The following STXBP5 variants were observed in gnomAD, a reference collection of about 807,000 sequenced individuals.
STXBP5 encodes syntaxin-binding protein 5.
STXBP5 carries 50 observed loss-of-function variants against 152.4 expected under a neutral mutation model. That is an observed-to-expected ratio of 0.33 (90% CI 0.26 to 0.42). The LOEUF is 0.42. Among genes scored for constraint, STXBP5 ranks in the 10% least tolerant of loss-of-function variants. The pLI is 1.00. For synonymous variants in STXBP5, 492 were observed against 494.7 expected (o/e 0.99, Z 0.07); for missense variants, 1,167 against 1,388.6 (o/e 0.84, Z 2.54).
intron 4 of STXBP5, among the ~76,000 whole-genome samples, chr6:147,249,815 G>A (rs907523378): frequency 6.6e-6 from 1 of 152,144 alleles, no homozygotes; most frequent in African/African-American, 2.4e-5. Context: ...AGAGCATTCA[G>A]TCACACAGAG....
intron 4 of STXBP5, among the ~76,000 whole-genome samples, chr6:147,260,285 G>C (rs1273417937): frequency 1.3e-5 from 2 of 152,170 alleles, no homozygotes; most frequent in Admixed American, 6.5e-5. Flanking sequence ...GGGTGATGTA[G>C]ATGTTGAAAT....
intron 23 of STXBP5, among the ~76,000 whole-genome samples, chr6:147,361,511 C>T (rs1785065772): frequency 1.3e-5 from 2 of 151,988 alleles, no homozygotes; most frequent in South Asian, 4.2e-4. Context: ...GTATTGGAGC[C>T]CTGAGAAGAA....
intron 25 of STXBP5, among the ~76,000 whole-genome samples, chr6:147,369,414 G>T (rs1745071398): frequency 6.6e-6 from 1 of 151,962 alleles, no homozygotes; most frequent in Admixed American, 6.6e-5. Flanking sequence ...TTTGGGAAAA[G>T]ATTTATTAGC....
chr6:147,276,342 T>A (rs1780442772), intron 7 of STXBP5, among the ~76,000 whole-genome samples: 1 of 152,142 alleles, frequency 6.6e-6, no homozygotes, highest in Admixed American at 6.5e-5. Flanking sequence ...GTTATTTGTT[T>A]CTGTTGTCCA....
At chr6:147,213,562 TC>T (rs1356906346) in intron 2 of STXBP5, among the ~76,000 whole-genome samples, 1 of 151,828 alleles carries the variant, frequency 6.6e-6, no homozygotes, top group Non-Finnish European at 1.5e-5. Context: ...CTGAGGCTGG[TC>T]CCCTGGGCTC....
At position 147,230,701 on chromosome 6, in the gene STXBP5, G is replaced by A. The variant is rs540503015; in HGVS notation, c.249-4549G>A. 2.6e-5 allele frequency among the ~76,000 whole-genome samples: 4 copies of A among 151,614 alleles called. No homozygotes were observed. The East Asian group carries it at 7.7e-4, about 29-fold the overall frequency. On this transcript the variant is annotated intron_variant, in intron 2 of 27. Coordinates refer to ENST00000321680, the MANE Select transcript of STXBP5 (RefSeq NM_001127715.4). ...TATGTGTGTGTTTGCTTGCATGTAT[G>A]CTATAAGGGTTGGTAATTTATACTG... is the stretch of plus-strand genomic sequence containing the variant.
rs761281235 is a variant in STXBP5 at position 147,260,701 on chromosome 6, C to A, written c.518C>A (p.Ser173Tyr). ...RGNIHIVNVE[S>Y]FTLSGYVIMW... ...AATATACATATTGTCAATGTGGAGT[C>A]CTTCACACTCTCAGGCTACGTCATT... The change falls in exon 5 of 28, where the codon TCC (serine) becomes TAC (tyrosine). Residue 173 changes from serine (S) to tyrosine (Y), a missense_variant. Transcript: ENST00000321680. 1 of 1,613,606 alleles carries A rather than the reference C, an allele frequency of 6.2e-7. No homozygotes were observed.
At chr6:147,276,085 T>G (rs1393405233) in intron 7 of STXBP5, among the ~76,000 whole-genome samples, 1 of 152,202 alleles carries the variant, frequency 6.6e-6, no homozygotes, top group African/African-American at 2.4e-5. Context: ...TTTGTTTACG[T>G]AAATTTCTCT....
intron 25 of STXBP5, among the ~76,000 whole-genome samples, chr6:147,372,257 AAAAG>A (rs1785575269): frequency 6.6e-6 from 1 of 152,030 alleles, no homozygotes; most frequent in African/African-American, 2.4e-5. Flanking sequence ...GGATATGTCT[AAAAG>A]AAAACCTGAA....
At chr6:147,291,850 A>G (rs1315106526) in intron 9 of STXBP5, among the ~76,000 whole-genome samples, 2 of 152,068 alleles carry the variant, frequency 1.3e-5, no homozygotes, top group South Asian at 2.1e-4. Context: ...ATATGGTTTT[A>G]TTTACTATGG....
At chr6:147,337,134 G>T (rs1783865106) in intron 19 of STXBP5, among the ~76,000 whole-genome samples, 1 of 149,802 alleles carries the variant, frequency 6.7e-6, no homozygotes, top group African/African-American at 2.5e-5. Flanking sequence ...GAACACTTTA[G>T]TATTATTGGA....
chr6:147,355,420 G>A (rs58807803), intron 22 of STXBP5, among the ~76,000 whole-genome samples: 2,412 of 152,218 alleles, frequency 0.016, 74 homozygotes, highest in African/African-American at 0.055. Context: ...TGTATCAGGT[G>A]CAGCTGGATG....
intron 25 of STXBP5, among the ~76,000 whole-genome samples, chr6:147,371,357 C>G (rs958454215): frequency 1.3e-5 from 2 of 151,968 alleles, no homozygotes; most frequent in Non-Finnish European, 2.9e-5. Context: ...TTTTCAACTC[C>G]CTTTAAAGAT....
At chr6:147,225,477 A>G (rs1777663954) in intron 2 of STXBP5, among the ~76,000 whole-genome samples, 1 of 152,238 alleles carries the variant, frequency 6.6e-6, no homozygotes, top group Non-Finnish European at 1.5e-5. Flanking sequence ...TTAGAATAAT[A>G]TCATTACTTT....
intron 25 of STXBP5, among the ~76,000 whole-genome samples, chr6:147,369,492 T>G (rs1785445734): frequency 6.6e-6 from 1 of 151,998 alleles, no homozygotes; most frequent in African/African-American, 2.4e-5. Context: ...AAATTTCTAC[T>G]CTTCAGAAGA....
intron 8 of STXBP5, among the ~76,000 whole-genome samples, chr6:147,283,942 A>G (rs930404363): frequency 6.6e-6 from 1 of 152,206 alleles, no homozygotes; most frequent in Non-Finnish European, 1.5e-5. Context: ...ACTGTCCAAT[A>G]GAAAGGTAAC....
intron 9 of STXBP5, among the ~76,000 whole-genome samples, chr6:147,306,922 G>A (rs906444172): frequency 1.3e-5 from 2 of 152,188 alleles, no homozygotes; most frequent in Admixed American, 6.5e-5. Flanking sequence ...CTATCAGTGT[G>A]TTGTCTGCGT....
At chr6:147,234,772 G>A (rs1031718372) in intron 2 of STXBP5, among the ~76,000 whole-genome samples, 7 of 151,594 alleles carry the variant, frequency 4.6e-5, no homozygotes, top group East Asian at 1.9e-4. Context: ...TATTTTTAGC[G>A]TTACTTAAAA....
intron 2 of STXBP5, among the ~76,000 whole-genome samples, chr6:147,216,888 G>A (rs1310721018): frequency 1.3e-5 from 2 of 152,250 alleles, no homozygotes; most frequent in South Asian, 2.1e-4. Context: ...GATATATGAC[G>A]AGTCCTAGAA....
Sources: allele counts gnomAD v4.1 joint callset (sites outside exome capture counted in the v4.1 genomes callset), GRCh38; gene constraint gnomAD v4.1.1; transcripts MANE v1.5; gene names NCBI Gene and HGNC (gene_info 2026-07-23, HGNC 2026-07-21).